The following BRI3BP variants were observed in gnomAD, a reference collection of about 807,000 sequenced individuals.
BRI3BP encodes the protein BRI3 binding protein, also known as BRI3-binding protein.
In BRI3BP, 7 loss-of-function variants were observed where a neutral mutation model predicts 15.8. The observed-to-expected ratio is 0.44, with a 90% CI of 0.25 to 0.83. BRI3BP has a LOEUF of 0.83. BRI3BP is among the 40% of genes least tolerant of loss of function. The pLI is 0.20. For missense variants in BRI3BP, 320 were observed against 339.3 expected (o/e 0.94, Z 0.45); for synonymous variants, 192 against 163.5 (o/e 1.17, Z -1.33).
chr12:125,008,306 T>C (rs1362075182), intron 1 of BRI3BP, among the ~76,000 whole-genome samples: 5 of 144,598 alleles, frequency 3.5e-5, no homozygotes, highest in South Asian at 2.2e-4. Context: ...TTTCTTTTTT[T>C]TTTTTTTTTT....
intron 2 of BRI3BP, among the ~76,000 whole-genome samples, chr12:125,014,323 C>T (rs978899572): frequency 3.3e-5 from 5 of 152,190 alleles, no homozygotes; most frequent in Admixed American, 6.5e-5. Flanking sequence ...ACCTGTCTCA[C>T]GGGAAGGTCT....
intron 1 of BRI3BP, among the ~76,000 whole-genome samples, chr12:125,011,811 G>A (rs1258541003): frequency 1.3e-5 from 2 of 152,194 alleles, no homozygotes; most frequent in African/African-American, 4.8e-5. Flanking sequence ...AGACCTCAGA[G>A]GCTCAGGGTC....
At chr12:125,035,063 A>T (rs1451611883), downstream of BRI3BP, among the ~76,000 whole-genome samples, 1 of 152,144 alleles carries the variant, frequency 6.6e-6, no homozygotes, top group African/African-American at 2.4e-5. Context: ...GTATGGATGT[A>T]CCACAATTTG....
At chr12:125,037,365 C>G in the BRI3BP span, among the ~76,000 whole-genome samples, 1 of 152,192 alleles carries the variant, frequency 6.6e-6, no homozygotes, top group Non-Finnish European at 1.5e-5. Context: ...GCCAAAAAGG[C>G]TTTATTTGAT....
At chr12:125,009,613 T>G (rs1273334318) in intron 1 of BRI3BP, among the ~76,000 whole-genome samples, 1 of 15,008 alleles carries the variant, frequency 6.7e-5, no homozygotes, top group Non-Finnish European at 1.3e-4. Flanking sequence ...TAAGGTAAAT[T>G]AGAGATGGGG....
the BRI3BP span, among the ~76,000 whole-genome samples, chr12:125,044,017 AT>A: frequency 2.1e-4 from 30 of 143,866 alleles, no homozygotes; most frequent in Non-Finnish European, 7.7e-5. Flanking sequence ...ACAGCAAGAC[AT>A]TTAAAAAAAA....
rs71092263 is a variant in BRI3BP, at chr12:125,019,953, C to CTTTTTT, written c.317-5019_317-5014dup. On this transcript the variant is annotated intron_variant, in intron 2 of 2. Coordinates refer to ENST00000341446, the MANE Select transcript of BRI3BP (RefSeq NM_080626.6). ...GACTGTGTGGCTTATCAACAACAGA[C>CTTTTTT]TTTTTTTTTTTTTTTTTTTTTTTTG... Among the ~76,000 whole-genome samples the CTTTTTT allele has an allele frequency of 7.7e-4, 58 of 75,048 alleles. 1 individual carries two copies. Among genetic ancestry groups the CTTTTTT allele is most frequent in the East Asian group, 1.0e-3 (3 of 2,938 alleles). 49.2% of individuals were successfully genotyped at this position (75,048 alleles called of 152,430 possible). A position where few individuals can be genotyped will look rare whatever the true frequency, so the allele number is the denominator to read the frequency against.
chr12:125,000,459 G>A (rs573005778), intron 1 of BRI3BP, among the ~76,000 whole-genome samples: 121 of 151,532 alleles, frequency 8.0e-4, no homozygotes, highest in African/African-American at 2.8e-3. Flanking sequence ...GACTACAGAC[G>A]CCCACCACCA....
intron 1 of BRI3BP, among the ~76,000 whole-genome samples, chr12:124,995,184 A>G (rs1010621875): frequency 2.0e-5 from 3 of 152,124 alleles, no homozygotes; most frequent in African/African-American, 7.2e-5. Context: ...GGGCAGGGGC[A>G]CCTCTTGCAC....
chr12:124,996,351 G>A (rs1230515152), intron 1 of BRI3BP, among the ~76,000 whole-genome samples: 2 of 152,118 alleles, frequency 1.3e-5, no homozygotes, highest in East Asian at 3.8e-4. Context: ...TGTCACCCAG[G>A]CTGGAGTGCG....
At chr12:125,049,033 A>T in the BRI3BP span, among the ~76,000 whole-genome samples, 1 of 152,096 alleles carries the variant, frequency 6.6e-6, no homozygotes, top group East Asian at 1.9e-4. Flanking sequence ...ATCTCGGCTC[A>T]CTGCAACATC....
At chr12:125,031,232 C>T (rs139331688), downstream of BRI3BP, 7 of 152,242 alleles carry the variant, frequency 4.6e-5, no homozygotes, top group East Asian at 1.3e-3. Flanking sequence ...TCTAACCAAA[C>T]ATTTGTGGAG....
intron 2 of BRI3BP, among the ~76,000 whole-genome samples, chr12:125,016,513 G>T (rs1384138846): frequency 1.3e-5 from 2 of 151,036 alleles, no homozygotes; most frequent in Non-Finnish European, 1.5e-5. Flanking sequence ...TCCTTTTTTG[G>T]GGGGGAGGGG....
Position 125,000,198 on chromosome 12 carries a change from G to A in BRI3BP, c.213+6195G>A, listed in dbSNP as rs1244649949. Among the ~76,000 whole-genome samples the A allele has an allele frequency of 2.0e-5, 3 of 148,698 alleles. No individual in the cohort carries two copies. In the East Asian group the frequency reaches 5.9e-4, roughly 29 times the overall value. On this transcript the variant is annotated intron_variant, in intron 1 of 2. Coordinates refer to ENST00000341446, the MANE Select transcript of BRI3BP (RefSeq NM_080626.6). ...AACATTTTAACAGCTTTTTTGAGGT[G>A]TAATTGCACTACACCTCAATAGACT...
chr12:125,010,059 A>T (rs1316969040), intron 1 of BRI3BP, among the ~76,000 whole-genome samples: 4 of 151,934 alleles, frequency 2.6e-5, no homozygotes, highest in African/African-American at 4.8e-5. Context: ...TCGAGATTGC[A>T]CCAGTGCACT....
intron 1 of BRI3BP, among the ~76,000 whole-genome samples, chr12:124,995,104 A>G (rs1168041789): frequency 1.3e-5 from 2 of 152,204 alleles, no homozygotes; most frequent in African/African-American, 2.4e-5. Flanking sequence ...GATTGACTGC[A>G]TGTTCTTACT....
rs117677591 is a variant in BRI3BP, at chr12:125,021,075, C to A, written c.317-3916C>A. On this transcript the variant is annotated intron_variant, in intron 2 of 2. Transcript: ENST00000341446. ...GTCTGGGAAACACTGGTTTAGCCTC[C>A]AGTCTGCAGGGGACAGGTGTGAAAG... Among the ~76,000 whole-genome samples the A allele has an allele frequency of 8.5e-5, 13 of 152,296 alleles. No individual in the cohort carries two copies. The East Asian group carries it at 2.5e-3, about 29-fold the overall frequency.
chr12:125,003,956 AACACACACACACACACACACAC>A (rs202194939), intron 1 of BRI3BP, among the ~76,000 whole-genome samples: 3 of 38,154 alleles, frequency 7.9e-5, no homozygotes, highest in Non-Finnish European at 8.0e-5. Context: ...CCATCTCAAA[AACACACACACACACACACACAC>A]ACACACACAC....
chr12:125,048,015 T>TAAA, the BRI3BP span, among the ~76,000 whole-genome samples: 13 of 137,168 alleles, frequency 9.5e-5, no homozygotes, highest in African/African-American at 3.0e-4. Flanking sequence ...TTCTTATAGT[T>TAAA]AAAAAAAAAA....
Sources: gnomAD v4.1 joint callset for allele counts (sites outside exome capture counted in the v4.1 genomes callset) on GRCh38, gnomAD v4.1.1 for gene constraint, MANE v1.5 for transcripts, NCBI Gene and HGNC (gene_info 2026-07-23, HGNC 2026-07-21) for gene names.